Variants in MBD1 observed in about 807,000 individuals in gnomAD.
MBD1 encodes the protein methyl-CpG binding domain protein 1.
Under a neutral mutation model 82.6 loss-of-function variants are expected in MBD1, and 25 were observed. The ratio of observed to expected loss-of-function variants is 0.30; its 90% confidence interval spans 0.22 to 0.42. The LOEUF is 0.42. MBD1 is among the 10% of genes least tolerant of loss of function. MBD1 has a pLI of 1.00. For missense variants in MBD1, 627 were observed against 819.6 expected, an observed-to-expected ratio of 0.76 and a Z score of 2.87; for synonymous variants, 301 against 303.7, an observed-to-expected ratio of 0.99 and a Z score of 0.09.
At chr18:50,279,612 C>CT (rs1278549203) in intron 2 of MBD1, 1 of 426,432 alleles carries the variant, frequency 2.3e-6, no homozygotes, top group Non-Finnish European at 4.3e-6. Flanking sequence ...AAAAGGGCTC[C>CT]TTCAGCCTCA....
Position 50,273,814 on chromosome 18 carries a change from G to A in MBD1, c.1196C>T (p.Ser399Leu), listed in dbSNP as rs754056527. 2.2e-5 allele frequency: 35 copies of A among 1,613,512 alleles called. No homozygotes were observed. Among genetic ancestry groups the A allele is most frequent in the African/African-American group, 4.0e-5 (3 of 74,932 alleles). Residue 399 changes from serine (S) to leucine (L), a missense_variant, in exon 12 of 17, where the codon TCG (serine) becomes TTG (leucine). This residue lies in a region of MBD1 where 265 missense variants were observed against 278.4 expected (regional missense o/e 0.95). Transcript: ENST00000269468. ...VWSESEDGAG[S>L]PPPYRRRKRP... is the part of the protein sequence containing the mutation. ...CTTTCGACGACGGTAAGGTGGGGGC[G>A]ATCCTGCCCCATCCTCAGACTCTGA...
At position 50,276,704 on chromosome 18, in the gene MBD1, T is replaced by C. The variant is rs1478338986; in HGVS notation, c.433A>G (p.Thr145Ala). The change falls in exon 5 of 17, where the codon ACC becomes GCC. Residue 145 changes from threonine to alanine, a missense_variant. Around this residue, in one of 6 missense-constraint regions of MBD1, gnomAD observed 228 missense variants for 318.1 expected, o/e 0.72. Transcript: ENST00000269468. ...NCGISFSGDG[T>A]QRQRLKTLCK... ...AACGTTTTGAGCCGCTGCCTTTGGG[T>C]GCCATCCCCTGAGAAGCTGATTCCA... The C allele has an allele frequency of 3.1e-6, 5 of 1,614,048 alleles. No homozygotes were observed. Among genetic ancestry groups the C allele is most frequent in the Non-Finnish European group, 1.7e-6 (2 of 1,180,032 alleles).
At chr18:50,278,830 A>T (rs148907340) in intron 2 of MBD1, among the ~76,000 whole-genome samples, 1 of 152,330 alleles carries the variant, frequency 6.6e-6, no homozygotes, top group Non-Finnish European at 1.5e-5. Context: ...TTCTGTTTAA[A>T]CACACATTAC....
upstream of MBD1, chr18:50,281,737 G>A: frequency 2.7e-6 from 1 of 364,956 alleles, no homozygotes; most frequent in East Asian, 4.0e-5. Flanking sequence ...GGCAGTTGCG[G>A]CTCTCCTCGC....
downstream of MBD1, among the ~76,000 whole-genome samples, chr18:50,268,398 G>C (rs1156733216): frequency 1.3e-5 from 2 of 152,364 alleles, no homozygotes; most frequent in African/African-American, 4.8e-5. Context: ...CACCCTGGGC[G>C]AGCTCCGAAA....
Position 50,275,041 on chromosome 18 carries a change from G to C in MBD1, c.914C>G (p.Pro305Arg). ...SQSPEPTEPH[P>R]RALAPSPPAE... ...AGGTGGCGAGGGGGCCAGGGCTCTG[G>C]GGTGCTGTAGAGGCAAATGGGGTGG... Residue 305 changes from proline to arginine, a missense_variant, in exon 10 of 17, where the codon CCC becomes CGC. Transcript: ENST00000269468. 6.2e-7 allele frequency: 1 copy of C among 1,614,156 alleles called. No homozygotes were observed. The highest frequency in any genetic ancestry group is 8.5e-7 in the Non-Finnish European group (1 of 1,180,014).
At chr18:50,267,602 CGGACCTGCAGCACAGGT>C, downstream of MBD1, 1 of 1,535,028 alleles carries the variant, frequency 6.5e-7, no homozygotes, top group Non-Finnish European at 8.7e-7. Context: ...GGAACCAGGA[CGGACCTGCAGCACAGGT>C]GGTAACCACA....
At chr18:50,274,136 G>A (rs760449002) in intron 11 of MBD1, 50 bp downstream of exon 11, 5 of 1,611,058 alleles carry the variant, frequency 3.1e-6, no homozygotes, top group South Asian at 2.2e-5. Context: ...AGGCACTGGG[G>A]CGCCTGGCCC....
chr18:50,272,761 G>A (rs374609452), intron 14 of MBD1, 23 bp from the exon 15 acceptor site: 37 of 1,614,080 alleles, frequency 2.3e-5, no homozygotes, highest in Non-Finnish European at 3.1e-5. Context: ...TAACACCATA[G>A]GTCAATGTGG....
intron 6 of MBD1, 194 bp downstream of exon 6, chr18:50,276,184 T>C: frequency 1.2e-6 from 1 of 816,806 alleles, no homozygotes; most frequent in Non-Finnish European, 2.0e-6. Context: ...CATCACTGTG[T>C]CTACTGATGC....
rs1352868564 is a variant in MBD1 at position 50,275,748 on chromosome 18, G to A, written c.664-20C>T. The A allele has an allele frequency of 1.9e-6, 3 of 1,614,182 alleles. No homozygotes were observed. In the East Asian group the frequency reaches 6.7e-5, roughly 36 times the overall value. ...TCGGCTCTGTTGGCGGGGGGCAGGT[G>A]GGAGCAGAGGCATGAAGCATGGGGC... On this transcript the variant is annotated intron_variant, in intron 7 of 16. Transcript: ENST00000269468.
Position 50,275,911 on chromosome 18 carries a change from A to G in MBD1, c.587T>C (p.Leu196Pro). The change falls in exon 7 of 17, where the codon CTG becomes CCG. Residue 196 changes from leucine (L) to proline (P), a missense_variant. Around this residue, in one of 6 missense-constraint regions of MBD1, gnomAD observed 228 missense variants for 318.1 expected, o/e 0.72. Coordinates refer to ENST00000269468, the MANE Select transcript of MBD1 (RefSeq NM_015846.4). ...EDCGACSTCL[L>P]QLPHDVASGL... is the part of the protein sequence containing the mutation. Reference sequence around the variant, plus strand: ...CGATGCCACATCATGGGGCAGCTGCAGGAGGCAGGTGGAGCAGGCCCCACA... The same window carrying G: ...CGATGCCACATCATGGGGCAGCTGCGGGAGGCAGGTGGAGCAGGCCCCACA... 2.5e-6 allele frequency: 4 copies of G among 1,614,152 alleles called. No individual in the cohort carries two copies. The highest frequency in any genetic ancestry group is 3.4e-6 in the Non-Finnish European group (4 of 1,180,026).
At chr18:50,269,957 G>T (rs930959830) in intron 16 of MBD1, 139 bp from the exon 17 acceptor site, 14 of 1,497,858 alleles carry the variant, frequency 9.3e-6, no homozygotes, top group Admixed American at 1.7e-5. Flanking sequence ...TAGTGGTTCT[G>T]CTCCTCTGAT....
chr18:50,270,300 C>T (rs898514416), intron 16 of MBD1: 2 of 789,840 alleles, frequency 2.5e-6, no homozygotes, highest in Non-Finnish European at 4.5e-6. Context: ...TAAGGAGGCA[C>T]TCACTCAGTC....
At chr18:50,271,917 G>A (rs75655136) in intron 15 of MBD1, among the ~76,000 whole-genome samples, 3,339 of 152,168 alleles carry the variant, frequency 0.022, 124 homozygotes, top group African/African-American at 0.076. Context: ...AGTTTACATC[G>A]CCAGTGTCTG....
chr18:50,268,526 G>A (rs2034257816), downstream of MBD1, among the ~76,000 whole-genome samples: 1 of 152,266 alleles, frequency 6.6e-6, no homozygotes, highest in African/African-American at 2.4e-5. Flanking sequence ...GCCCCAGGGC[G>A]GCCAGGCCAG....
intron 4 of MBD1, 33 bp from the exon 5 acceptor site, chr18:50,276,777 G>A (rs1228135274): frequency 6.2e-7 from 1 of 1,613,734 alleles, no homozygotes; most frequent in African/African-American, 1.3e-5. Context: ...GGGGCTCCAA[G>A]AGCACCCCCA....
intron 11 of MBD1, 75 bp from the exon 12 acceptor site, chr18:50,273,938 C>T: frequency 6.4e-7 from 1 of 1,554,750 alleles, no homozygotes; most frequent in Non-Finnish European, 8.8e-7. Context: ...GCTCCACATG[C>T]CTGCTAATCT....
intron 15 of MBD1, among the ~76,000 whole-genome samples, chr18:50,272,141 A>G (rs2035843742): frequency 6.6e-6 from 1 of 152,180 alleles, no homozygotes; most frequent in South Asian, 2.1e-4. Context: ...CAGGAAGTGC[A>G]GGGCAACCAG....
Sources: gnomAD v4.1 joint callset for allele counts (sites outside exome capture counted in the v4.1 genomes callset) on GRCh38, gnomAD v4.1.1 for gene constraint, gnomAD v4.1.1 regional missense constraint, MANE v1.5 for transcripts, NCBI Gene and HGNC (gene_info 2026-07-23, HGNC 2026-07-21) for gene names.